Variants in CLTC observed in about 807,000 individuals in gnomAD.
The protein encoded by CLTC is clathrin heavy chain.
Under a neutral mutation model 195.8 loss-of-function variants are expected in CLTC, and 16 were observed. The observed-to-expected ratio is 0.08, with a 90% CI of 0.06 to 0.12. The LOEUF (loss-of-function observed/expected upper bound fraction) is 0.12, where lower values mean the gene tolerates loss of function less well. Among genes scored for constraint, CLTC ranks in the 10% least tolerant of loss-of-function variants. The pLI is 1.00. For synonymous variants in CLTC, 667 were observed against 689.4 expected (o/e 0.97, Z 0.51); for missense variants, 796 against 2,027.0 (o/e 0.39, Z 11.66).
chr17:59,625,997 C>T (rs2031539659), intron 1 of CLTC, among the ~76,000 whole-genome samples: 2 of 152,052 alleles, frequency 1.3e-5, no homozygotes, highest in African/African-American at 4.8e-5. Context: ...TAATTTTTGT[C>T]CAGTACATTT....
intron 16 of CLTC, among the ~76,000 whole-genome samples, chr17:59,675,275 C>T (rs2032941452): frequency 6.6e-6 from 1 of 152,072 alleles, no homozygotes; most frequent in South Asian, 2.1e-4. Flanking sequence ...CCCTGTGCAA[C>T]TCTTGAGTTC....
chr17:59,668,514 C>T (rs1331497739), intron 13 of CLTC, among the ~76,000 whole-genome samples: 1 of 152,118 alleles, frequency 6.6e-6, no homozygotes, highest in African/African-American at 2.4e-5. Flanking sequence ...CGTGCCACTG[C>T]ACTCCAGCCT....
intron 31 of CLTC, among the ~76,000 whole-genome samples, chr17:59,692,791 C>G (rs1188032238): frequency 1.3e-5 from 2 of 152,056 alleles, no homozygotes; most frequent in Non-Finnish European, 2.9e-5. Context: ...CATGCACCAC[C>G]ACGCCCGGCT....
At position 59,695,672 on chromosome 17, in the gene CLTC, CAAAA is replaced by C. The variant is rs139136427; in HGVS notation, c.*1824_*1827del. On this transcript the variant is annotated 3_prime_UTR_variant, in exon 32 of 32. Coordinates refer to ENST00000269122, the MANE Select transcript of CLTC (RefSeq NM_004859.4). The stretch of plus-strand genomic sequence containing the variant: ...AGAATGAGACTCTTGTCTCAAAAAA[CAAAA>C]AAACCTATTTAGTTTCATCCAGGAC... The C allele has an allele frequency of 0.13, 23,523 of 184,708 alleles. 2,565 individuals are homozygous for C. The highest frequency in any genetic ancestry group is 0.47 in the East Asian group (5,383 of 11,354). 11.4% of individuals were successfully genotyped at this position (184,708 alleles called of 1,614,324 possible).
intron 14 of CLTC, among the ~76,000 whole-genome samples, chr17:59,670,429 C>G (rs532139050): frequency 6.6e-6 from 1 of 151,928 alleles, no homozygotes; most frequent in East Asian, 1.9e-4. Context: ...TTTTTCTGAT[C>G]CTCTCCCTCC....
Position 59,651,329 on chromosome 17 carries a change from A to G in CLTC, c.795+13A>G. The G allele has an allele frequency of 2.6e-6, 4 of 1,554,236 alleles. No individual in the cohort carries two copies. Among genetic ancestry groups the G allele is most frequent in the Non-Finnish European group, 1.8e-6 (2 of 1,127,340 alleles). ...TGTTGCAATGCAGGTATTTTAAGCA[A>G]AATAAATGACTTTTTAAAAATCTCT... On this transcript the variant is annotated intron_variant, in intron 5 of 31. Coordinates refer to ENST00000269122, the MANE Select transcript of CLTC (RefSeq NM_004859.4).
At position 59,695,281 on chromosome 17, in the gene CLTC, C is replaced by CTAGT. The variant is rs531247871; in HGVS notation, c.*1434_*1437dup. ...TCAATAGCTACACATACCCCCTTGC[C>CTAGT]TAGTTAGTCTTGCACTGCTTTACAA... is the stretch of plus-strand genomic sequence containing the variant. On this transcript the variant is annotated 3_prime_UTR_variant, in exon 32 of 32. Coordinates refer to ENST00000269122, the MANE Select transcript of CLTC (RefSeq NM_004859.4). 27 of 191,106 alleles carry CTAGT rather than the reference C, an allele frequency of 1.4e-4. No individual in the cohort carries two copies. In the East Asian group the frequency reaches 2.2e-3, roughly 16 times the overall value. The allele number at this position is 191,106 out of a possible 1,614,324, so 11.8% of individuals were successfully genotyped here.
chr17:59,684,741 T>C (rs929754622), intron 28 of CLTC, among the ~76,000 whole-genome samples: 1 of 148,386 alleles, frequency 6.7e-6, no homozygotes. Context: ...TAGAGGCAGG[T>C]TGCAGTGAGC....
intron 17 of CLTC, among the ~76,000 whole-genome samples, chr17:59,679,185 T>A (rs564833243): frequency 6.6e-6 from 1 of 152,282 alleles, no homozygotes; most frequent in Non-Finnish European, 1.5e-5. Flanking sequence ...ACTGTAAAAG[T>A]GGACTAGTCC....
intron 18 of CLTC, 97 bp from the exon 19 acceptor site, chr17:59,680,814 CT>C (rs2033066880): frequency 1.1e-6 from 1 of 908,624 alleles, no homozygotes; most frequent in South Asian, 2.2e-5. Context: ...CTACTTCATT[CT>C]TTTCTGCCTA....
chr17:59,645,533 C>A (rs1329544840), intron 2 of CLTC, among the ~76,000 whole-genome samples: 1 of 152,062 alleles, frequency 6.6e-6, no homozygotes, highest in Non-Finnish European at 1.5e-5. Context: ...AAAAGGCATT[C>A]GATTGCCTGC....
intron 1 of CLTC, among the ~76,000 whole-genome samples, chr17:59,640,806 T>C (rs930089567): frequency 1.3e-5 from 2 of 152,126 alleles, no homozygotes; most frequent in African/African-American, 4.8e-5. Context: ...TTTTAATATG[T>C]TTAAACATGT....
chr17:59,659,831 A>C (rs187182120), intron 6 of CLTC, among the ~76,000 whole-genome samples: 2 of 152,136 alleles, frequency 1.3e-5, no homozygotes, highest in African/African-American at 2.4e-5. Context: ...TGAGTATATA[A>C]TCTGCTCTCT....
chr17:59,667,859 CCTTTCTCT>C (rs1407897533), intron 13 of CLTC, among the ~76,000 whole-genome samples: 1 of 152,136 alleles, frequency 6.6e-6, no homozygotes, highest in Non-Finnish European at 1.5e-5. Context: ...TCCCCAACTG[CCTTTCTCT>C]CCTCTCTGTA....
At chr17:59,659,435 A>AT (rs1308493866) in intron 6 of CLTC, among the ~76,000 whole-genome samples, 1 of 140,376 alleles carries the variant, frequency 7.1e-6, no homozygotes, top group East Asian at 2.1e-4. Flanking sequence ...TTTTATTTTT[A>AT]TTTTTTATTT....
chr17:59,664,783 A>G lies in CLTC; in HGVS notation c.1522-4A>G, dbSNP rs754841802. ...GCAGCGTTTAAGTCTTTGTTTGTTT[A>G]TAGGTTGGATACACTCCAGATTGGA... On this transcript the variant is annotated splice_region_variant and splice_polypyrimidine_tract_variant and intron_variant, in intron 9 of 31. Coordinates refer to ENST00000269122, the MANE Select transcript of CLTC (RefSeq NM_004859.4). 6.8e-6 allele frequency: 11 copies of G among 1,613,258 alleles called. No individual in the cohort carries two copies. Among genetic ancestry groups the G allele is most frequent in the African/African-American group, 2.7e-5 (2 of 74,908 alleles).
intron 15 of CLTC, among the ~76,000 whole-genome samples, chr17:59,674,083 C>T (rs2032911974): frequency 6.6e-6 from 1 of 151,958 alleles, no homozygotes; most frequent in African/African-American, 2.4e-5. Context: ...ACTTTTTCCC[C>T]AGCAGAATCC....
At chr17:59,637,661 G>C (rs1207632294) in intron 1 of CLTC, among the ~76,000 whole-genome samples, 1 of 145,972 alleles carries the variant, frequency 6.9e-6, no homozygotes, top group African/African-American at 2.6e-5. Context: ...CCAGGAGTTG[G>C]AGACCAGACT....
intron 9 of CLTC, 25 bp downstream of exon 9, chr17:59,664,019 A>C: frequency 1.9e-6 from 3 of 1,596,892 alleles, no homozygotes; most frequent in Non-Finnish European, 1.7e-6. Context: ...ACACATTCTC[A>C]GCATGAATTC....
Sources: gnomAD v4.1 joint callset for allele counts (sites outside exome capture counted in the v4.1 genomes callset) on GRCh38, gnomAD v4.1.1 for gene constraint, MANE v1.5 for transcripts, NCBI Gene and HGNC (gene_info 2026-07-23, HGNC 2026-07-21) for gene names.